The following TAF13 variants were observed in gnomAD, a reference collection of about 807,000 sequenced individuals.
The protein encoded by TAF13 is TATA-box binding protein associated factor 13.
In TAF13, 9 loss-of-function variants were observed where a neutral mutation model predicts 18.7. The ratio of observed to expected loss-of-function variants is 0.48; its 90% CI spans 0.29 to 0.84. The LOEUF (loss-of-function observed/expected upper bound fraction) is 0.84, where lower values mean the gene tolerates loss of function less well. Among genes scored for constraint, TAF13 ranks in the 40% least tolerant of loss-of-function variants. TAF13 has a pLI of 0.08. For synonymous variants in TAF13, 49 were observed against 44.1 expected, an observed-to-expected ratio of 1.11 and a Z score of -0.44; for missense variants, 105 against 146.5, an observed-to-expected ratio of 0.72 and a Z score of 1.46.
intron 2 of TAF13, among the ~76,000 whole-genome samples, chr1:109,071,160 G>A (rs983685129): frequency 6.6e-6 from 1 of 152,000 alleles, no homozygotes; most frequent in Non-Finnish European, 1.5e-5. Flanking sequence ...GTTGGGTGTG[G>A]CCAGGCACGG....
chr1:109,068,151 T>C (rs1663983846), intron 2 of TAF13, among the ~76,000 whole-genome samples: 1 of 152,182 alleles, frequency 6.6e-6, no homozygotes, highest in Non-Finnish European at 1.5e-5. Context: ...GGGGTTTTTT[T>C]TGAAACAGAA....
intron 2 of TAF13, among the ~76,000 whole-genome samples, chr1:109,069,123 T>C (rs1664005833): frequency 6.6e-6 from 1 of 152,172 alleles, no homozygotes; most frequent in South Asian, 2.1e-4. Flanking sequence ...ATCAAAGGGG[T>C]ATATGTAAAT....
intron 2 of TAF13, among the ~76,000 whole-genome samples, chr1:109,067,448 A>C (rs111932000): frequency 0.06 from 9,126 of 151,834 alleles, 321 homozygotes; most frequent in African/African-American, 0.075. Flanking sequence ...AAAAAAAAAA[A>C]AAAACACAAA....
chr1:109,068,956 C>A (rs916387817), intron 2 of TAF13, among the ~76,000 whole-genome samples: 2 of 152,158 alleles, frequency 1.3e-5, no homozygotes, highest in African/African-American at 4.8e-5. Flanking sequence ...GAGCTGAGAT[C>A]ATGCCAATGC....
chr1:109,072,013 T>C (rs868866141), intron 2 of TAF13, among the ~76,000 whole-genome samples: 3 of 2,588 alleles, frequency 1.2e-3, no homozygotes, highest in African/African-American at 2.6e-3. Flanking sequence ...TATATATATA[T>C]ACACACACAT....
At chr1:109,072,083 C>CATATAT (rs1198567507) in intron 2 of TAF13, among the ~76,000 whole-genome samples, 2 of 5,078 alleles carry the variant, frequency 3.9e-4, no homozygotes, top group African/African-American at 1.3e-3. Flanking sequence ...TATACACACA[C>CATATAT]ATATATATAT....
intron 2 of TAF13, among the ~76,000 whole-genome samples, chr1:109,073,516 G>A (rs531984656): frequency 2.0e-5 from 3 of 152,284 alleles, no homozygotes; most frequent in South Asian, 2.1e-4. Flanking sequence ...ACAGGCGTGC[G>A]CCGCCACGCC....
intron 3 of TAF13, among the ~76,000 whole-genome samples, chr1:109,065,406 T>C (rs1423215633): frequency 2.0e-5 from 3 of 151,976 alleles, no homozygotes; most frequent in Admixed American, 2.0e-4. Flanking sequence ...GGAGGACCAC[T>C]TGAGTCCGGA....
At position 109,071,553 on chromosome 1, in the gene TAF13, T is replaced by A. The variant is rs182484046; in HGVS notation, c.106+3434A>T. ...TGACACCAAGAGTTAAAGGTTGCAG[T>A]GAGCTATGATCATGCCACTGTACTC... is the stretch of plus-strand genomic sequence containing the variant. On this transcript the variant is annotated intron_variant, in intron 2 of 3. Transcript: ENST00000338366. Among the ~76,000 whole-genome samples the A allele has an allele frequency of 1.3e-4, 19 of 151,682 alleles. No homozygotes were observed. The East Asian group carries it at 3.5e-3, about 28-fold the overall frequency.
At chr1:109,066,619 T>C (rs13303136) in intron 2 of TAF13, among the ~76,000 whole-genome samples, 19,594 of 152,246 alleles carry the variant, frequency 0.13, 1,319 homozygotes, top group Middle Eastern at 0.24. Flanking sequence ...TGTGTGGGCA[T>C]GGCAGTGGGG....
intron 2 of TAF13, among the ~76,000 whole-genome samples, chr1:109,067,433 T>C (rs1389792285): frequency 7.0e-6 from 1 of 142,780 alleles, no homozygotes; most frequent in African/African-American, 2.7e-5. Flanking sequence ...AACCTGTTTC[T>C]ACTAAAAAAA....
At position 109,075,952 on chromosome 1, in the gene TAF13, C is replaced by CT. The variant is rs776797968; in HGVS notation, c.-6dup. The CT allele has an allele frequency of 1.4e-5, 23 of 1,614,116 alleles. No individual in the cohort carries two copies. The Admixed American group carries it at 3.7e-4, about 26-fold the overall frequency. ...GTCTTCTTCCTCATCTGCCATCCCA[C>CT]TAGCACGCCAACTCACAGCGTCCTG... On this transcript the variant is annotated 5_prime_UTR_variant, in exon 1 of 4. Coordinates refer to ENST00000338366, the MANE Select transcript of TAF13 (RefSeq NM_005645.4).
rs920524126 is a variant in TAF13, at chr1:109,076,002, C to G, written c.-55G>C. 1 of 1,613,618 alleles carries G rather than the reference C, an allele frequency of 6.2e-7. No individual in the cohort carries two copies. The highest frequency in any genetic ancestry group is 8.5e-7 in the Non-Finnish European group (1 of 1,179,664). On this transcript the variant is annotated 5_prime_UTR_variant, in exon 1 of 4. Transcript: ENST00000338366. Reference sequence around the variant, plus strand: ...GCCGGCTGGCTCCCAGCTGGTTACACTACTTCCGCCGCCTCACTTCCGGTG... The same window carrying G: ...GCCGGCTGGCTCCCAGCTGGTTACAGTACTTCCGCCGCCTCACTTCCGGTG...
In TAF13 at chr1:109,074,335, G is replaced by A. The variant is rs539235180; in HGVS notation, c.106+652C>T. ...TCCCCTCAGGGTTAAATGGATTAAGGGCGGTGCAAGATGTGCTTTGTTAAA... is the reference window on the plus strand; with the variant it reads ...TCCCCTCAGGGTTAAATGGATTAAGAGCGGTGCAAGATGTGCTTTGTTAAA... On this transcript the variant is annotated intron_variant, in intron 2 of 3. Transcript: ENST00000338366. Among the ~76,000 whole-genome samples, 6 of 152,242 alleles carry A rather than the reference G, an allele frequency of 3.9e-5. No homozygotes were observed. In the East Asian group the frequency reaches 1.2e-3, roughly 29 times the overall value.
chr1:109,064,313 CAGTA>C lies in TAF13; in HGVS notation c.*206_*209del, dbSNP rs963278838. The stretch of plus-strand genomic sequence containing the variant: ...TGACTTATGTGTGGTCATTAAAACC[CAGTA>C]AGTAATTCAAGTATGGTAATATAAA... On this transcript the variant is annotated 3_prime_UTR_variant, in exon 4 of 4. Coordinates refer to ENST00000338366, the MANE Select transcript of TAF13 (RefSeq NM_005645.4). The C allele has an allele frequency of 2.4e-5, 9 of 376,126 alleles. No homozygotes were observed. Among genetic ancestry groups the C allele is most frequent in the East Asian group, 1.3e-4 (3 of 23,198 alleles). 23.3% of individuals were successfully genotyped at this position (376,126 alleles called of 1,614,324 possible).
chr1:109,070,163 C>A (rs1250693498), intron 2 of TAF13, among the ~76,000 whole-genome samples: 3 of 152,136 alleles, frequency 2.0e-5, no homozygotes, highest in Non-Finnish European at 4.4e-5. Flanking sequence ...CTCCTTAGTT[C>A]CCTCGAATCC....
intron 3 of TAF13, among the ~76,000 whole-genome samples, chr1:109,065,803 TC>T (rs1663942288): frequency 6.6e-6 from 1 of 151,254 alleles, no homozygotes; most frequent in South Asian, 2.1e-4. Context: ...ATGCCTGTAA[TC>T]CCAGCTCCTC....
chr1:109,070,547 C>G (rs1032043544), intron 2 of TAF13, among the ~76,000 whole-genome samples: 2 of 151,660 alleles, frequency 1.3e-5, no homozygotes. Flanking sequence ...GCATGCACCA[C>G]CACGCCGAGC....
intron 2 of TAF13, among the ~76,000 whole-genome samples, chr1:109,072,290 G>A (rs1047033454): frequency 6.6e-6 from 1 of 151,564 alleles, no homozygotes; most frequent in Non-Finnish European, 1.5e-5. Flanking sequence ...GAGATGGAGA[G>A]CACATTTTCA....
Sources: gnomAD v4.1 joint callset for allele counts (sites outside exome capture counted in the v4.1 genomes callset) on GRCh38, gnomAD v4.1.1 for gene constraint, MANE v1.5 for transcripts, NCBI Gene and HGNC (gene_info 2026-07-23, HGNC 2026-07-21) for gene names.